CLEC4A: variants seen among roughly 807,000 people sequenced by gnomAD.
CLEC4A encodes C-type (calcium dependent, carbohydrate-recognition domain) lectin, superfamily member 6.
CLEC4A carries 27 observed loss-of-function variants against 32.7 expected under a neutral mutation model. The observed-to-expected ratio is 0.83, with a 90% confidence interval of 0.61 to 1.14. The LOEUF is 1.14. Ranked by LOEUF, CLEC4A falls within the 50% of genes most tolerant of loss-of-function variation. The probability of loss-of-function intolerance (pLI) is 0.00; values close to 1 mark genes in which losing one functional copy is unlikely to be tolerated. For missense variants in CLEC4A, 253 were observed against 274.6 expected (o/e 0.92, Z 0.55); for synonymous variants, 89 against 93.7 (o/e 0.95, Z 0.29).
the CLEC4A span, among the ~76,000 whole-genome samples, chr12:8,106,108 C>T: frequency 6.6e-6 from 1 of 152,176 alleles, no homozygotes; most frequent in Non-Finnish European, 1.5e-5. Flanking sequence ...CTGCATATCG[C>T]TAGCTAGTTA....
chr12:8,124,829 T>C (rs1947874592), intron 1 of CLEC4A, among the ~76,000 whole-genome samples: 1 of 152,248 alleles, frequency 6.6e-6, no homozygotes. Flanking sequence ...GAATTATAAT[T>C]ACTCTTATCA....
the CLEC4A span, among the ~76,000 whole-genome samples, chr12:8,103,787 C>T: frequency 6.6e-6 from 1 of 152,140 alleles, no homozygotes; most frequent in African/African-American, 2.4e-5. Context: ...TGAGGTCCTT[C>T]CCATTGTGTA....
intron 3 of CLEC4A, chr12:8,134,350 C>A (rs1948053819): frequency 6.2e-7 from 1 of 1,612,166 alleles, no homozygotes; most frequent in Non-Finnish European, 8.5e-7. Flanking sequence ...CCAGGGTGAG[C>A]CACATCGGCC....
intron 1 of CLEC4A, 41 bp downstream of exon 1, chr12:8,124,001 G>A: frequency 7.9e-7 from 1 of 1,264,252 alleles, no homozygotes. Flanking sequence ...ATGACGAGGT[G>A]AAGGATGAGG....
chr12:8,105,452 C>T, the CLEC4A span, among the ~76,000 whole-genome samples: 2 of 151,794 alleles, frequency 1.3e-5, no homozygotes, highest in Non-Finnish European at 2.9e-5. Context: ...CAGGTTCAAG[C>T]AATTCTCCTG....
At chr12:8,113,327 T>C in the CLEC4A span, among the ~76,000 whole-genome samples, 1 of 152,134 alleles carries the variant, frequency 6.6e-6, no homozygotes, top group Non-Finnish European at 1.5e-5. Flanking sequence ...TAGTATTCCA[T>C]GGTGTATATG....
At chr12:8,106,625 C>T in the CLEC4A span, among the ~76,000 whole-genome samples, 25 of 152,158 alleles carry the variant, frequency 1.6e-4, 1 homozygote, top group East Asian at 3.3e-3. Context: ...AGCTGTATTC[C>T]GAGGTATTTT....
chr12:8,103,804 G>A, the CLEC4A span, among the ~76,000 whole-genome samples: 4 of 152,142 alleles, frequency 2.6e-5, no homozygotes, highest in Non-Finnish European at 4.4e-5. Context: ...TGTAATGCTC[G>A]CCCAAATACT....
Position 8,132,904 on chromosome 12 carries a change from GTTTTTGTTTTT to G in CLEC4A, c.299-2669_299-2659del, listed in dbSNP as rs1174447235. Among the ~76,000 whole-genome samples, 10 of 150,868 alleles carry G rather than the reference GTTTTTGTTTTT, an allele frequency of 6.6e-5. No homozygotes were observed. In the East Asian group the frequency reaches 7.7e-4, roughly 12 times the overall value. On this transcript the variant is annotated intron_variant, in intron 3 of 5. Coordinates refer to ENST00000229332, the MANE Select transcript of CLEC4A (RefSeq NM_016184.4). ...TGTTTCTTTGTGGGTTTTTTTGTTT[GTTTTTGTTTTT>G]TTTTTGTTTTTGTTTTTCAGACGAA...
the CLEC4A span, among the ~76,000 whole-genome samples, chr12:8,104,268 A>G: frequency 1.9e-3 from 287 of 152,078 alleles, no homozygotes; most frequent in African/African-American, 6.0e-3. Flanking sequence ...ACTTGGTCTT[A>G]CCTTGAATTG....
At position 8,138,132 on chromosome 12, in the gene CLEC4A, G is replaced by A. The variant is rs376283211; in HGVS notation, c.567-8G>A. 1.8e-4 allele frequency: 287 copies of A among 1,610,720 alleles called. 4 individuals carry two copies. The South Asian group carries it at 2.9e-3, about 16-fold the overall frequency. ...AAGAAATGCCCTCATCCTTTTTGTC[G>A]CTTTCAGATTCTGGCATCCACGTGA... is the stretch of plus-strand genomic sequence containing the variant. On this transcript the variant is annotated splice_region_variant and splice_polypyrimidine_tract_variant and intron_variant, in intron 5 of 5. Transcript: ENST00000229332.
At position 8,133,262 on chromosome 12, in the gene CLEC4A, G is replaced by T. The variant is rs1019355272; in HGVS notation, c.299-2323G>T. 2.6e-5 allele frequency among the ~76,000 whole-genome samples: 4 copies of T among 152,062 alleles called. No individual in the cohort carries two copies. The East Asian group carries it at 7.7e-4, about 29-fold the overall frequency. On this transcript the variant is annotated intron_variant, in intron 3 of 5. Coordinates refer to ENST00000229332, the MANE Select transcript of CLEC4A (RefSeq NM_016184.4). ...GACAGGGTTTCGCCATGTTGGCCAG[G>T]CTGGTCTAGAACTCCCGACCACAGG... is the stretch of plus-strand genomic sequence containing the variant.
At chr12:8,122,570 A>C (rs187312624), upstream of CLEC4A, among the ~76,000 whole-genome samples, 54 of 152,242 alleles carry the variant, frequency 3.5e-4, no homozygotes, top group African/African-American at 1.3e-3. Context: ...TCAGAGCCCA[A>C]CTAGGAAGAG....
chr12:8,137,546 A>G (rs1441348406), intron 5 of CLEC4A, among the ~76,000 whole-genome samples: 2 of 152,194 alleles, frequency 1.3e-5, no homozygotes, highest in African/African-American at 4.8e-5. Context: ...TACATACTTT[A>G]CATATATTAC....
At chr12:8,119,723 T>C (rs1947815535), upstream of CLEC4A, among the ~76,000 whole-genome samples, 2 of 152,236 alleles carry the variant, frequency 1.3e-5, no homozygotes, top group African/African-American at 2.4e-5. Context: ...TTAACAATAC[T>C]GAGCTATTAA....
upstream of CLEC4A, chr12:8,120,928 T>C (rs945349828): frequency 2.0e-5 from 3 of 152,246 alleles, no homozygotes; most frequent in Non-Finnish European, 2.9e-5. Flanking sequence ...GTAACTTGCA[T>C]TGGCCAACAG....
At chr12:8,115,150 A>G in the CLEC4A span, among the ~76,000 whole-genome samples, 1 of 152,190 alleles carries the variant, frequency 6.6e-6, no homozygotes, top group Non-Finnish European at 1.5e-5. Context: ...ATGTCACCAA[A>G]TCCTGGAAGC....
upstream of CLEC4A, among the ~76,000 whole-genome samples, chr12:8,123,342 G>A (rs770734458): frequency 6.0e-4 from 91 of 152,330 alleles, no homozygotes; most frequent in Admixed American, 2.9e-3. Context: ...TGAAGGTGGG[G>A]AGGCTGATAT....
At chr12:8,103,873 G>A in the CLEC4A span, among the ~76,000 whole-genome samples, 1 of 152,114 alleles carries the variant, frequency 6.6e-6, no homozygotes, top group Non-Finnish European at 1.5e-5. Context: ...TATTTGAGGG[G>A]GCAAGGGGTG....
Sources: gnomAD v4.1 joint callset for allele counts (sites outside exome capture counted in the v4.1 genomes callset) on GRCh38, gnomAD v4.1.1 for gene constraint, MANE v1.5 for transcripts, NCBI Gene and HGNC (gene_info 2026-07-23, HGNC 2026-07-21) for gene names.